ABL2: variants seen among roughly 807,000 people sequenced by gnomAD.
The protein encoded by ABL2 is ABL proto-oncogene 2, non-receptor tyrosine kinase, also known as tyrosine-protein kinase ABL2.
Under a neutral mutation model 107.7 loss-of-function variants are expected in ABL2, and 49 were observed. That is an observed-to-expected ratio of 0.45 (90% CI 0.36 to 0.58). The LOEUF (loss-of-function observed/expected upper bound fraction) is 0.58. ABL2 is among the 20% of genes least tolerant of loss of function. The pLI is 0.00. For missense variants in ABL2, 1,245 were observed against 1,457.0 expected, an observed-to-expected ratio of 0.85 and a Z score of 2.37; for synonymous variants, 549 against 548.6, an observed-to-expected ratio of 1.00 and a Z score of -0.01.
At position 179,104,255 on chromosome 1, in the gene ABL2, T is replaced by G. The variant is rs1458171297; in HGVS notation, c.*3463A>C. ...TATCCCTGTTTTACAGTGAGGAAACTGAGGCTCCCAAGGTTAAATGACTTG... is the reference window on the plus strand; with the variant it reads ...TATCCCTGTTTTACAGTGAGGAAACGGAGGCTCCCAAGGTTAAATGACTTG... On this transcript the variant is annotated 3_prime_UTR_variant, in exon 12 of 12. Transcript: ENST00000502732. 1 of 229,572 alleles carries G rather than the reference T, an allele frequency of 4.4e-6. No homozygotes were observed. The highest frequency in any genetic ancestry group is 6.2e-5 in the East Asian group (1 of 16,070). The allele number at this position is 229,572 out of a possible 1,614,324, so 14.2% of individuals were successfully genotyped here.
At chr1:179,139,654 G>A (rs530821594) in intron 1 of ABL2, among the ~76,000 whole-genome samples, 1 of 152,224 alleles carries the variant, frequency 6.6e-6, no homozygotes, top group African/African-American at 2.4e-5. Context: ...ATCTAGGTAA[G>A]GGGACCCCAA....
Position 179,108,249 on chromosome 1 carries a change from T to G in ABL2, c.3018A>C (p.Pro1006=). The change falls in exon 12 of 12, where the codon CCA becomes CCC. Residue 1006 remains proline (P), a synonymous_variant. Coordinates refer to ENST00000502732, the MANE Select transcript of ABL2 (RefSeq NM_007314.4). The part of the protein sequence containing the change: ...PSICSDPTEE[P]TALTAGQSTS... Reference sequence around the variant, plus strand: ...TGGACTGTCCTGCAGTTAGGGCAGTTGGCTCTTCTGTAGGGTCTGAGCAGA... The same window carrying G: ...TGGACTGTCCTGCAGTTAGGGCAGTGGGCTCTTCTGTAGGGTCTGAGCAGA... The G allele has an allele frequency of 6.2e-7, 1 of 1,613,928 alleles. No homozygotes were observed. Among genetic ancestry groups the G allele is most frequent in the Non-Finnish European group, 8.5e-7 (1 of 1,179,994 alleles).
intron 9 of ABL2, among the ~76,000 whole-genome samples, chr1:179,114,026 G>A (rs539594518): frequency 5.0e-4 from 76 of 152,056 alleles, no homozygotes; most frequent in Admixed American, 9.2e-4. Flanking sequence ...AGGCTAAGGC[G>A]GGCGCATCAC....
At chr1:179,121,279 AG>A (rs1655166078) in intron 5 of ABL2, among the ~76,000 whole-genome samples, 1 of 152,206 alleles carries the variant, frequency 6.6e-6, no homozygotes, top group African/African-American at 2.4e-5. Flanking sequence ...TCTGTCCAGC[AG>A]GGGTCGTTCT....
intron 3 of ABL2, among the ~76,000 whole-genome samples, chr1:179,127,450 T>C (rs28914526): frequency 0.016 from 2,433 of 152,306 alleles, 66 homozygotes; most frequent in African/African-American, 0.055. Context: ...CCCAAGTCAC[T>C]CAGTGTATCT....
intron 6 of ABL2, among the ~76,000 whole-genome samples, chr1:179,119,548 C>T (rs114015783): frequency 0.011 from 1,662 of 149,434 alleles, 22 homozygotes; most frequent in African/African-American, 0.039. Flanking sequence ...CCACACCCCC[C>T]CAAAAAAAAG....
chr1:179,104,558 T>C lies in ABL2; in HGVS notation c.*3160A>G, dbSNP rs1653348860. 3 of 208,724 alleles carry C rather than the reference T, an allele frequency of 1.4e-5. No homozygotes were observed. The highest frequency in any genetic ancestry group is 2.9e-5 in the Non-Finnish European group (3 of 102,512). 12.9% of individuals were successfully genotyped at this position (208,724 alleles called of 1,614,324 possible). The stretch of plus-strand genomic sequence containing the variant: ...CTAGAAAAACACTGAATGAATTTCT[T>C]AGGGCCAAATTTTTTAAGGCTAATC... On this transcript the variant is annotated 3_prime_UTR_variant, in exon 12 of 12. Transcript: ENST00000502732.
chr1:179,182,690 C>T (rs556123532), intron 1 of ABL2, among the ~76,000 whole-genome samples: 1 of 152,002 alleles, frequency 6.6e-6, no homozygotes, highest in Admixed American at 6.6e-5. Context: ...CACTCATAAA[C>T]CTTTTAATCT....
chr1:179,143,221 A>T, intron 1 of ABL2: 1 of 820,346 alleles, frequency 1.2e-6, no homozygotes, highest in Non-Finnish European at 1.7e-6. Context: ...AGAGTGACCT[A>T]AAGGAAAATT....
intron 11 of ABL2, among the ~76,000 whole-genome samples, 161 bp downstream of exon 11, chr1:179,110,121 G>T (rs1653899018): frequency 6.6e-6 from 1 of 152,222 alleles, no homozygotes; most frequent in African/African-American, 2.4e-5. Context: ...AGCCAGAGTT[G>T]TATGTTGGAT....
At chr1:179,147,696 A>C (rs982116226) in intron 1 of ABL2, among the ~76,000 whole-genome samples, 5 of 152,178 alleles carry the variant, frequency 3.3e-5, no homozygotes, top group African/African-American at 1.2e-4. Context: ...GGAATAATAT[A>C]TTCTGGAGAC....
At chr1:179,213,878 G>A (rs979181374) in intron 1 of ABL2, among the ~76,000 whole-genome samples, 2 of 152,172 alleles carry the variant, frequency 1.3e-5, no homozygotes, top group African/African-American at 2.4e-5. Flanking sequence ...CCAGGAGGCT[G>A]CAGTGAGCTA....
At chr1:179,134,551 G>A (rs867984570) in intron 1 of ABL2, among the ~76,000 whole-genome samples, 4 of 152,088 alleles carry the variant, frequency 2.6e-5, no homozygotes, top group African/African-American at 9.7e-5. Context: ...CTCTGCATCT[G>A]CGAACACCTA....
Position 179,114,881 on chromosome 1 carries a change from C to T in ABL2, c.1558G>A (p.Ala520Thr). 2.5e-6 allele frequency: 4 copies of T among 1,590,982 alleles called. No individual in the cohort carries two copies. The African/African-American group carries it at 4.0e-5, about 16-fold the overall frequency. Residue 520 changes from alanine (A) to threonine (T), a missense_variant, in exon 9 of 12, where the codon GCA (alanine) becomes ACA (threonine). Ala to Thr is a moderately conservative substitution (Grantham distance 58). Transcript: ENST00000502732. ...TAAAACATGCAAAAATACTCACATG[C>T]TCTCATAAGTTCATAAACCTTAGGG... The part of the protein sequence containing the change: ...CPPKVYELMR[A>T]CWKWSPADRP...
chr1:179,107,898 A>G lies in ABL2; in HGVS notation c.3369T>C (p.Tyr1123=), dbSNP rs1416724074. 3 of 1,614,094 alleles carry G rather than the reference A, an allele frequency of 1.9e-6. No individual in the cohort carries two copies. Among genetic ancestry groups the G allele is most frequent in the Admixed American group, 3.3e-5 (2 of 60,004 alleles). ...GHQLLDYCSG[Y]VDCIPQTRNK... The stretch of plus-strand genomic sequence containing the variant: ...TGCGAGTTTGAGGGATGCAGTCCAC[A>G]TAGCCTGAGCAGTAGTCAAGCAGCT... Residue 1123 remains tyrosine, a synonymous_variant, in exon 12 of 12, where the codon TAT becomes TAC. Coordinates refer to ENST00000502732, the MANE Select transcript of ABL2 (RefSeq NM_007314.4).
At chr1:179,117,972 A>T (rs1654817148) in intron 7 of ABL2, among the ~76,000 whole-genome samples, 1 of 151,764 alleles carries the variant, frequency 6.6e-6, no homozygotes, top group South Asian at 2.1e-4. Context: ...AACAAAAAAC[A>T]AAACAAACAA....
At chr1:179,220,458 G>C (rs1224602307) in intron 1 of ABL2, among the ~76,000 whole-genome samples, 1 of 152,202 alleles carries the variant, frequency 6.6e-6, no homozygotes, top group Non-Finnish European at 1.5e-5. Flanking sequence ...CTTGTGAGCT[G>C]GGTATGTGCC....
At chr1:179,214,535 T>C (rs1378135167) in intron 1 of ABL2, among the ~76,000 whole-genome samples, 2 of 146,408 alleles carry the variant, frequency 1.4e-5, no homozygotes, top group African/African-American at 4.9e-5. Context: ...TATATATATA[T>C]ATATATATAT....
At chr1:179,166,392 A>G (rs1024243059) in intron 1 of ABL2, among the ~76,000 whole-genome samples, 12 of 134,254 alleles carry the variant, frequency 8.9e-5, no homozygotes, top group African/African-American at 3.9e-4. Context: ...TCAACTCAAT[A>G]CTAAAAAAAA....
Sources: allele counts gnomAD v4.1 joint callset (sites outside exome capture counted in the v4.1 genomes callset), GRCh38; gene constraint gnomAD v4.1.1; transcripts MANE v1.5; gene names NCBI Gene and HGNC (gene_info 2026-07-23, HGNC 2026-07-21).